PPARD: variants seen among roughly 807,000 people sequenced by gnomAD.
PPARD encodes peroxisome proliferator-activated receptor delta.
PPARD carries 6 observed loss-of-function variants against 39.5 expected under a neutral mutation model. The observed-to-expected ratio is 0.15, with a 90% CI of 0.08 to 0.30. The LOEUF is 0.30. Ranked by LOEUF, PPARD falls within the 10% of genes least tolerant of loss-of-function variation. The probability of loss-of-function intolerance (pLI) is 1.00; values close to 1 mark genes in which losing one functional copy is unlikely to be tolerated. For missense variants in PPARD, 397 were observed against 596.8 expected (o/e 0.67, Z 3.49); for synonymous variants, 210 against 231.3 (o/e 0.91, Z 0.83).
intron 2 of PPARD, among the ~76,000 whole-genome samples, chr6:35,397,210 C>CT (rs1411153632): frequency 6.8e-6 from 1 of 147,134 alleles, no homozygotes; most frequent in Non-Finnish European, 1.5e-5. Flanking sequence ...ACCTAGGACT[C>CT]TGAGTCAGGG....
At chr6:35,369,828 T>C (rs951638669) in intron 2 of PPARD, among the ~76,000 whole-genome samples, 1 of 152,238 alleles carries the variant, frequency 6.6e-6, no homozygotes, top group Non-Finnish European at 1.5e-5. Context: ...TGGTTAATTG[T>C]CCGAATCTGT....
intron 2 of PPARD, among the ~76,000 whole-genome samples, chr6:35,365,510 T>C (rs539877395): frequency 1.6e-5 from 2 of 128,268 alleles, no homozygotes; most frequent in South Asian, 2.5e-4. Context: ...TTTTTTTTTT[T>C]AGACAGATTT....
chr6:35,426,459 A>G lies in PPARD; in HGVS notation c.*380A>G. 1 of 261,892 alleles carries G rather than the reference A, an allele frequency of 3.8e-6. No individual in the cohort carries two copies. The highest frequency in any genetic ancestry group is 7.4e-6 in the Non-Finnish European group (1 of 135,234). 16.2% of individuals were successfully genotyped at this position (261,892 alleles called of 1,614,324 possible). ...TTTTGTATTATTTCACCAGCAGCAT[A>G]GAACAGGACCTCTGCTTTTGCACAC... On this transcript the variant is annotated 3_prime_UTR_variant, in exon 8 of 8. Transcript: ENST00000360694.
Position 35,371,875 on chromosome 6 carries a change from G to A in PPARD, c.-102+24725G>A, listed in dbSNP as rs560062311. ...AGTGACTGTACTTCTAGTCCACACA[G>A]TGATTACATATTTATTACTCTGTTT... On this transcript the variant is annotated intron_variant, in intron 2 of 7. Transcript: ENST00000360694. Among the ~76,000 whole-genome samples the A allele has an allele frequency of 2.0e-5, 3 of 152,338 alleles. No individual in the cohort carries two copies. In the East Asian group the frequency reaches 5.8e-4, roughly 29 times the overall value.
At chr6:35,410,921 C>G (rs1765381939) in intron 2 of PPARD, 66 bp from the exon 3 acceptor site, 7 of 1,253,616 alleles carry the variant, frequency 5.6e-6, no homozygotes, top group Non-Finnish European at 7.0e-6. Flanking sequence ...AAGCGTGCCC[C>G]ACTCGCACCA....
At chr6:35,370,406 A>T (rs1762421287) in intron 2 of PPARD, among the ~76,000 whole-genome samples, 1 of 152,202 alleles carries the variant, frequency 6.6e-6, no homozygotes, top group South Asian at 2.1e-4. Context: ...GATACTGGTT[A>T]TGGCTGCTGA....
At position 35,389,023 on chromosome 6, in the gene PPARD, T is replaced by A. The variant is rs188573647; in HGVS notation, c.-101-21964T>A. 1.6e-3 allele frequency among the ~76,000 whole-genome samples: 236 copies of A among 150,658 alleles called. 1 individual carries two copies. Among genetic ancestry groups the A allele is most frequent in the African/African-American group, 5.0e-3 (203 of 40,986 alleles). ...CTGATGGTGATAGAGGTCAGAAGAG[T>A]GGTTTACAGCCAGGCACAGTGACTC... On this transcript the variant is annotated intron_variant, in intron 2 of 7. Transcript: ENST00000360694.
chr6:35,420,160 T>A lies in PPARD; in HGVS notation c.164T>A (p.Leu55Gln). 1 of 1,613,662 alleles carries A rather than the reference T, an allele frequency of 6.2e-7. No homozygotes were observed. The highest frequency in any genetic ancestry group is 8.5e-7 in the Non-Finnish European group (1 of 1,179,888). ...LSRSSSPPSL[L>Q]DQLQMGCDGA... ...CGGAGCTCCTCGCCACCCTCACTGC[T>A]GGACCAACTGCAGATGGGCTGTGAC... is the stretch of plus-strand genomic sequence containing the variant. The change falls in exon 4 of 8, where the codon CTG becomes CAG. Residue 55 changes from leucine (L) to glutamine (Q), a missense_variant. Coordinates refer to ENST00000360694, the MANE Select transcript of PPARD (RefSeq NM_006238.5).
chr6:35,421,083 T>C (rs1321063996), intron 4 of PPARD, among the ~76,000 whole-genome samples: 1 of 152,102 alleles, frequency 6.6e-6, no homozygotes. Context: ...TGCCTTGGCC[T>C]CCCAAAGTGC....
In PPARD at chr6:35,366,509, G is replaced by A. The variant is rs1762215596; in HGVS notation, c.-102+19359G>A. Reference sequence around the variant, plus strand: ...AGGCAGAGGCCTAGATTAGGAGATGGCTATAGTAGTACAGGTGAGAAATTC... The same window carrying A: ...AGGCAGAGGCCTAGATTAGGAGATGACTATAGTAGTACAGGTGAGAAATTC... On this transcript the variant is annotated intron_variant, in intron 2 of 7. Transcript: ENST00000360694. This position sits in a 1 kb window ranked among gnomAD's most constrained non-coding sequence, Gnocchi z 4.6. Among the ~76,000 whole-genome samples the A allele has an allele frequency of 6.6e-6, 1 of 151,534 alleles. No individual in the cohort carries two copies. Among genetic ancestry groups the A allele is most frequent in the Non-Finnish European group, 1.5e-5 (1 of 68,014 alleles).
At chr6:35,402,365 C>T (rs778115508) in intron 2 of PPARD, among the ~76,000 whole-genome samples, 13 of 152,214 alleles carry the variant, frequency 8.5e-5, no homozygotes, top group South Asian at 2.1e-4. Flanking sequence ...GTGGTCAGCA[C>T]GTTAGTGCTC....
At chr6:35,406,563 A>C (rs540305184) in intron 2 of PPARD, among the ~76,000 whole-genome samples, 29 of 152,328 alleles carry the variant, frequency 1.9e-4, no homozygotes, top group Admixed American at 3.3e-4. Context: ...GGTAGGTTTT[A>C]GAACAGCCAG....
At position 35,424,076 on chromosome 6, in the gene PPARD, C is replaced by G; in HGVS notation, c.555C>G (p.Ala185=). The change falls in exon 6 of 8, where the codon GCC becomes GCG. Residue 185 remains alanine (A), a synonymous_variant. Transcript: ENST00000360694. This position sits in a 1 kb window ranked among gnomAD's most constrained non-coding sequence, Gnocchi z 7.1. ...LKAFSKHIYN[A]YLKNFNMTKK... Reference sequence around the variant, plus strand: ...CCTTCTCCAAGCACATCTACAATGCCTACCTGAAAAACTTCAACATGACCA... The same window carrying G: ...CCTTCTCCAAGCACATCTACAATGCGTACCTGAAAAACTTCAACATGACCA... 1 of 1,614,116 alleles carries G rather than the reference C, an allele frequency of 6.2e-7. No individual in the cohort carries two copies. Among genetic ancestry groups the G allele is most frequent in the East Asian group, 2.2e-5 (1 of 44,876 alleles).
rs2150553390 is a variant in PPARD at position 35,374,182 on chromosome 6, C to T, written c.-102+27032C>T. Among the ~76,000 whole-genome samples, 2 of 152,132 alleles carry T rather than the reference C, an allele frequency of 1.3e-5. 1 individual carries two copies. On this transcript the variant is annotated intron_variant, in intron 2 of 7. Coordinates refer to ENST00000360694, the MANE Select transcript of PPARD (RefSeq NM_006238.5). ...TTCCACTCTGTACATGGGACCTGAACCGGCTCCAGAAACCTTGGAGCCTGG... is the reference window on the plus strand; with the variant it reads ...TTCCACTCTGTACATGGGACCTGAATCGGCTCCAGAAACCTTGGAGCCTGG...
In PPARD at chr6:35,420,171, C is replaced by T; in HGVS notation, c.175C>T (p.Gln59Ter). ...GCCACCCTCACTGCTGGACCAACTGCAGATGGGCTGTGACGGGGCCTCATG... is the reference window on the plus strand; with the variant it reads ...GCCACCCTCACTGCTGGACCAACTGTAGATGGGCTGTGACGGGGCCTCATG... ...SSPPSLLDQLQMGCDGASCGS... is the reference protein window; with the variant it reads ...SSPPSLLDQL Residue 59 changes from glutamine to a stop codon, truncating the protein, a stop_gained, in exon 4 of 8, where the codon CAG becomes TAG. Transcript: ENST00000360694. LOFTEE classifies it high-confidence loss of function. 1 of 1,613,704 alleles carries T rather than the reference C, an allele frequency of 6.2e-7. No individual in the cohort carries two copies. Among genetic ancestry groups the T allele is most frequent in the Non-Finnish European group, 8.5e-7 (1 of 1,179,836 alleles).
chr6:35,408,838 CT>C (rs1404317921), intron 2 of PPARD, among the ~76,000 whole-genome samples: 2 of 152,232 alleles, frequency 1.3e-5, no homozygotes, highest in Admixed American at 6.5e-5. Context: ...CCCACATATC[CT>C]TTACCCAGCT....
chr6:35,400,581 C>T (rs763524022), intron 2 of PPARD, among the ~76,000 whole-genome samples: 25 of 152,088 alleles, frequency 1.6e-4, no homozygotes, highest in Non-Finnish European at 3.1e-4. Context: ...GGGTGGATAA[C>T]CTGAGCCCAG....
intron 2 of PPARD, among the ~76,000 whole-genome samples, chr6:35,368,254 A>G (rs1762305846): frequency 6.6e-6 from 1 of 152,208 alleles, no homozygotes; most frequent in South Asian, 2.1e-4. Flanking sequence ...CCCAAGCTTC[A>G]GCAGTGATAG....
At chr6:35,345,534 T>A (rs921436440) in intron 1 of PPARD, among the ~76,000 whole-genome samples, 1 of 152,288 alleles carries the variant, frequency 6.6e-6, no homozygotes, top group African/African-American at 2.4e-5. Context: ...CACCTTGGCC[T>A]CTCAGAGCAC....
Sources: gnomAD v4.1 joint callset for allele counts (sites outside exome capture counted in the v4.1 genomes callset) on GRCh38, gnomAD v4.1.1 for gene constraint, Gnocchi (gnomAD v3.1) non-coding constraint, MANE v1.5 for transcripts, NCBI Gene and HGNC (gene_info 2026-07-23, HGNC 2026-07-21) for gene names.